The following MEGF6 variants were observed in gnomAD, a reference collection of about 807,000 sequenced individuals.
MEGF6 encodes the protein multiple EGF like domains 6, also known as multiple epidermal growth factor-like domains protein 6.
A neutral mutation model predicts 207.1 loss-of-function variants in MEGF6; 184 were observed. The ratio of observed to expected loss-of-function variants is 0.89; its 90% CI spans 0.79 to 1.00. The LOEUF (loss-of-function observed/expected upper bound fraction) is 1.00. MEGF6 is among the 50% of genes least tolerant of loss of function. The pLI is 0.00. For synonymous variants in MEGF6, 1,038 were observed against 910.0 expected (o/e 1.14, Z -2.53); for missense variants, 2,282 against 2,202.9 (o/e 1.04, Z -0.72).
At chr1:3,607,353 C>T (rs939240386) in intron 1 of MEGF6, among the ~76,000 whole-genome samples, 24 of 152,236 alleles carry the variant, frequency 1.6e-4, no homozygotes, top group African/African-American at 5.5e-4. Flanking sequence ...TCCCCAAGGA[C>T]GGAGGGCCCT....
At chr1:3,538,279 C>T (rs1642394082) in intron 4 of MEGF6, among the ~76,000 whole-genome samples, 1 of 152,212 alleles carries the variant, frequency 6.6e-6, no homozygotes, top group Non-Finnish European at 1.5e-5. Context: ...TTCCTCGCAC[C>T]CCTTCTCCCA....
Position 3,507,803 on chromosome 1 carries a change from C to CAGTT in MEGF6, c.1777_1780dup (p.Cys594Ter). The CAGTT allele has an allele frequency of 6.2e-7, 1 of 1,612,824 alleles. No individual in the cohort carries two copies. Among genetic ancestry groups the CAGTT allele is most frequent in the South Asian group, 1.1e-5 (1 of 91,072 alleles). The stretch of plus-strand genomic sequence containing the variant: ...GAAGAGGCTGCACGCACCATCCTCA[C>CAGTT]AGTTAGTTCCACTGACACCCGGGGG... On this transcript the variant is annotated stop_gained and frameshift_variant, in exon 14 of 37. Coordinates refer to ENST00000356575, the MANE Select transcript of MEGF6 (RefSeq NM_001409.4). LOFTEE classifies it high-confidence loss of function.
At chr1:3,527,961 GC>G (rs1238211289) in intron 4 of MEGF6, among the ~76,000 whole-genome samples, 3 of 152,246 alleles carry the variant, frequency 2.0e-5, no homozygotes, top group Non-Finnish European at 4.4e-5. Flanking sequence ...GCTAGGCCAA[GC>G]CCTTCTCACC....
chr1:3,574,196 G>C (rs1643582473), intron 4 of MEGF6, among the ~76,000 whole-genome samples: 1 of 151,958 alleles, frequency 6.6e-6, no homozygotes, highest in African/African-American at 2.4e-5. Flanking sequence ...CAGGCACACA[G>C]CAGGTACCCA....
Position 3,505,205 on chromosome 1 carries a change from C to A in MEGF6, c.2188+3G>T. On this transcript the variant is annotated splice_donor_region_variant and intron_variant, in intron 17 of 36. Transcript: ENST00000356575. ...CCGGGAGCCCCAGGGGCCGGCCACTCACCTTGGCCACAGTCCTCTCCCTGG... is the reference window on the plus strand; with the variant it reads ...CCGGGAGCCCCAGGGGCCGGCCACTAACCTTGGCCACAGTCCTCTCCCTGG... 1 of 1,611,452 alleles carries A rather than the reference C, an allele frequency of 6.2e-7. No homozygotes were observed. Among genetic ancestry groups the A allele is most frequent in the South Asian group, 1.1e-5 (1 of 90,994 alleles).
intron 4 of MEGF6, among the ~76,000 whole-genome samples, chr1:3,527,102 G>A (rs1641992910): frequency 6.6e-6 from 1 of 152,192 alleles, no homozygotes; most frequent in Non-Finnish European, 1.5e-5. Flanking sequence ...TCCATGATCG[G>A]CTGTGACCAC....
At chr1:3,620,708 C>G in the MEGF6 span, among the ~76,000 whole-genome samples, 6 of 152,146 alleles carry the variant, frequency 3.9e-5, no homozygotes, top group African/African-American at 1.4e-4. Context: ...GATGAGAGAT[C>G]GTAGAAATAA....
chr1:3,573,402 G>A lies in MEGF6; in HGVS notation c.481+6423C>T, dbSNP rs188700876. On this transcript the variant is annotated intron_variant, in intron 4 of 36. Transcript: ENST00000356575. This position sits in a 1 kb window ranked among gnomAD's most constrained non-coding sequence, Gnocchi z 5.1. ...CCAGATGGAAACCTTCTGCTTGGCTGCACCCAAAGGTAAGCACGGGAAACA... is the reference window on the plus strand; with the variant it reads ...CCAGATGGAAACCTTCTGCTTGGCTACACCCAAAGGTAAGCACGGGAAACA... Among the ~76,000 whole-genome samples the A allele has an allele frequency of 3.5e-3, 529 of 152,320 alleles. 13 individuals are homozygous for A. The highest frequency in any genetic ancestry group is 0.012 in the African/African-American group (498 of 41,566).
At chr1:3,522,102 G>T (rs911607420) in intron 5 of MEGF6, among the ~76,000 whole-genome samples, 4 of 152,352 alleles carry the variant, frequency 2.6e-5, no homozygotes, top group Non-Finnish European at 5.9e-5. Flanking sequence ...ACACATCACA[G>T]CTCCGGGGCT....
At chr1:3,569,542 G>A (rs919033839) in intron 4 of MEGF6, among the ~76,000 whole-genome samples, 1 of 152,256 alleles carries the variant, frequency 6.6e-6, no homozygotes, top group African/African-American at 2.4e-5. Flanking sequence ...GGATCCTGGA[G>A]GCTGAAGGTC....
In MEGF6 at chr1:3,609,898, C is replaced by T. The variant is rs930097523; in HGVS notation, c.131+1240G>A. On this transcript the variant is annotated intron_variant, in intron 1 of 36. Coordinates refer to ENST00000356575, the MANE Select transcript of MEGF6 (RefSeq NM_001409.4). ...GCAGAGACAGCGGGACATCCACCTC[C>T]GCCAAGCAGCAGCCCACCCCTGGGA... is the stretch of plus-strand genomic sequence containing the variant. Among the ~76,000 whole-genome samples the T allele has an allele frequency of 4.6e-5, 7 of 152,230 alleles. No individual in the cohort carries two copies. In the South Asian group the frequency reaches 6.2e-4, roughly 14 times the overall value.
rs895936478 is a variant in MEGF6 at position 3,498,693 on chromosome 1, C to G, written c.3223+5G>C. The G allele has an allele frequency of 5.1e-6, 8 of 1,560,994 alleles. No individual in the cohort carries two copies. The highest frequency in any genetic ancestry group is 6.9e-6 in the Non-Finnish European group (8 of 1,155,550). ...TATGTCCCTCCTCTGCCGCCCAGCG[C>G]TCACCCTTCTCACAGGCCAGGCCGG... On this transcript the variant is annotated splice_donor_5th_base_variant and intron_variant, in intron 25 of 36. Transcript: ENST00000356575.
intron 35 of MEGF6, among the ~76,000 whole-genome samples, chr1:3,492,076 G>A (rs1188222277): frequency 1.1e-4 from 16 of 151,900 alleles, no homozygotes; most frequent in Admixed American, 9.8e-4. Flanking sequence ...GCAGGACTGC[G>A]TGCGTGGACT....
the MEGF6 span, among the ~76,000 whole-genome samples, chr1:3,621,356 G>A: frequency 6.6e-6 from 1 of 152,176 alleles, no homozygotes; most frequent in African/African-American, 2.4e-5. Flanking sequence ...GCCCTGTCCG[G>A]GCATAACAGA....
intron 4 of MEGF6, among the ~76,000 whole-genome samples, chr1:3,538,891 G>A (rs949483658): frequency 6.6e-6 from 1 of 152,206 alleles, no homozygotes. Flanking sequence ...CCGGGGCCCA[G>A]ACTCTTGCTG....
Position 3,492,746 on chromosome 1 carries a change from C to G in MEGF6, c.4409G>C (p.Gly1470Ala). 1.9e-6 allele frequency: 3 copies of G among 1,612,192 alleles called. No individual in the cohort carries two copies. Among genetic ancestry groups the G allele is most frequent in the Non-Finnish European group, 2.5e-6 (3 of 1,179,598 alleles). Residue 1470 changes from glycine (G) to alanine (A), a missense_variant, in exon 35 of 37, where the codon GGG becomes GCG. Transcript: ENST00000356575. ...GTCACAGTGCAGGGTGCAGCTGGGC[C>G]CAAACTGGCCCCTTCTGCAATCTGC... is the stretch of plus-strand genomic sequence containing the variant. Reference protein sequence around the residue: ...CNLDCRRGQFGPSCTLHCDCG... With the variant: ...CNLDCRRGQFAPSCTLHCDCG...
the MEGF6 span, among the ~76,000 whole-genome samples, chr1:3,616,847 C>T: frequency 2.0e-5 from 3 of 152,320 alleles, no homozygotes; most frequent in African/African-American, 7.2e-5. Context: ...CCCAGTGTCC[C>T]AACTGCCGCC....
Position 3,510,142 on chromosome 1 carries a change from C to T in MEGF6, c.1235-150G>A, listed in dbSNP as rs1641283288. On this transcript the variant is annotated intron_variant, in intron 10 of 36. Transcript: ENST00000356575. ...CTTCAACCAGCCAGTAAAACTCACC[C>T]TCAGCCACAGAGGCCACTCTGGCCA... is the stretch of plus-strand genomic sequence containing the variant. 3 of 1,136,516 alleles carry T rather than the reference C, an allele frequency of 2.6e-6. No homozygotes were observed. In the African/African-American group the frequency reaches 4.8e-5, roughly 18 times the overall value. The allele number at this position is 1,136,516 out of a possible 1,614,324, so 70.4% of individuals were successfully genotyped here.
intron 5 of MEGF6, among the ~76,000 whole-genome samples, chr1:3,523,500 A>C (rs1167150796): frequency 6.6e-6 from 1 of 151,654 alleles, no homozygotes; most frequent in Non-Finnish European, 1.5e-5. Context: ...TAGCCAAGAG[A>C]CCCCGCAGAG....
Sources: gnomAD v4.1 joint callset for allele counts (sites outside exome capture counted in the v4.1 genomes callset) on GRCh38, gnomAD v4.1.1 for gene constraint, Gnocchi (gnomAD v3.1) non-coding constraint, MANE v1.5 for transcripts, NCBI Gene and HGNC (gene_info 2026-07-23, HGNC 2026-07-21) for gene names.